SCYL2: variants seen among roughly 807,000 people sequenced by gnomAD.
SCYL2 encodes the protein SCY1 like pseudokinase 2.
Under a neutral mutation model 100.4 loss-of-function variants are expected in SCYL2, and 36 were observed. The ratio of observed to expected loss-of-function variants is 0.36; its 90% CI spans 0.27 to 0.47. SCYL2 has a LOEUF of 0.47. Ranked by LOEUF, SCYL2 falls within the 20% of genes least tolerant of loss-of-function variation. SCYL2 has a pLI of 1.00. For missense variants in SCYL2, 902 were observed against 1,083.9 expected (o/e 0.83, Z 2.36); for synonymous variants, 330 against 359.2 (o/e 0.92, Z 0.92).
At chr12:100,312,720 A>T in intron 6 of SCYL2, 67 bp downstream of exon 6, 1 of 1,140,362 alleles carries the variant, frequency 8.8e-7, no homozygotes, top group Admixed American at 2.2e-5. Context: ...TTTTTTTCCA[A>T]AATGTGTTCA....
At chr12:100,275,589 C>A (rs952071483) in intron 1 of SCYL2, among the ~76,000 whole-genome samples, 11 of 152,114 alleles carry the variant, frequency 7.2e-5, no homozygotes, top group Non-Finnish European at 1.5e-4. Flanking sequence ...TAGATTGATT[C>A]CTTCTGATGT....
intron 1 of SCYL2, among the ~76,000 whole-genome samples, chr12:100,268,096 A>G (rs2096281610): frequency 6.6e-6 from 1 of 152,178 alleles, no homozygotes; most frequent in Non-Finnish European, 1.5e-5. Context: ...ATATTATCAA[A>G]TCCACCCTCT....
At chr12:100,330,830 CTTT>C (rs71088179) in intron 13 of SCYL2, among the ~76,000 whole-genome samples, 4 of 134,088 alleles carry the variant, frequency 3.0e-5, no homozygotes, top group Admixed American at 1.5e-4. Context: ...AATTTTTTTT[CTTT>C]TTTTTTTTTT....
At chr12:100,271,260 C>CAAAAAAAAAAA (rs11354103) in intron 1 of SCYL2, among the ~76,000 whole-genome samples, 23 of 83,336 alleles carry the variant, frequency 2.8e-4, no homozygotes, top group African/African-American at 1.2e-3. Flanking sequence ...TGCAGAGCAG[C>CAAAAAAAAAAA]AAAAAAAAAA....
intron 3 of SCYL2, among the ~76,000 whole-genome samples, chr12:100,292,274 A>G (rs969136834): frequency 6.6e-6 from 1 of 152,122 alleles, no homozygotes; most frequent in Non-Finnish European, 1.5e-5. Context: ...TTATAACCCA[A>G]ATTTATGCTT....
At chr12:100,295,673 T>G (rs1449208605) in intron 3 of SCYL2, among the ~76,000 whole-genome samples, 1 of 151,170 alleles carries the variant, frequency 6.6e-6, no homozygotes, top group Non-Finnish European at 1.5e-5. Flanking sequence ...CGGCTGGGCA[T>G]GAGAGGGAGA....
chr12:100,278,720 C>T (rs1195160849), intron 1 of SCYL2, among the ~76,000 whole-genome samples: 1 of 151,248 alleles, frequency 6.6e-6, no homozygotes, highest in East Asian at 2.0e-4. Context: ...ACCTTCACCT[C>T]CCGGGTTCAA....
intron 4 of SCYL2, among the ~76,000 whole-genome samples, chr12:100,309,237 C>T (rs60955601): frequency 6.6e-6 from 1 of 152,042 alleles, no homozygotes; most frequent in African/African-American, 2.4e-5. Context: ...CCTCTTCCAT[C>T]TTAACCATTT....
intron 5 of SCYL2, among the ~76,000 whole-genome samples, chr12:100,311,611 A>G (rs934552046): frequency 6.6e-6 from 1 of 152,172 alleles, no homozygotes; most frequent in South Asian, 2.1e-4. Context: ...AATCCTCACA[A>G]TAACTCAGTG....
At chr12:100,298,891 A>G (rs2096324185) in intron 4 of SCYL2, among the ~76,000 whole-genome samples, 1 of 152,018 alleles carries the variant, frequency 6.6e-6, no homozygotes, top group African/African-American at 2.4e-5. Flanking sequence ...TAGCCTTTTC[A>G]TATATGCTCA....
At chr12:100,311,542 T>A (rs1207673721) in intron 5 of SCYL2, among the ~76,000 whole-genome samples, 1 of 152,170 alleles carries the variant, frequency 6.6e-6, no homozygotes, top group African/African-American at 2.4e-5. Flanking sequence ...ATAATAGCAG[T>A]GGCAATAGCT....
intron 4 of SCYL2, among the ~76,000 whole-genome samples, chr12:100,305,903 A>C (rs1035525732): frequency 6.6e-6 from 1 of 152,078 alleles, no homozygotes; most frequent in Non-Finnish European, 1.5e-5. Context: ...CTCGAAAATC[A>C]AGAAGAAATG....
chr12:100,269,487 A>G (rs906004206), intron 1 of SCYL2, among the ~76,000 whole-genome samples: 1 of 150,370 alleles, frequency 6.7e-6, no homozygotes, highest in Non-Finnish European at 1.5e-5. Context: ...TCATCTCCTG[A>G]TGTGTAAGTG....
At chr12:100,269,833 C>A (rs987823879) in intron 1 of SCYL2, among the ~76,000 whole-genome samples, 2 of 152,028 alleles carry the variant, frequency 1.3e-5, no homozygotes, top group Non-Finnish European at 2.9e-5. Context: ...TTATAGGTTC[C>A]GATTCCAAAG....
At chr12:100,274,643 C>A (rs1411379770) in intron 1 of SCYL2, among the ~76,000 whole-genome samples, 1 of 152,092 alleles carries the variant, frequency 6.6e-6, no homozygotes, top group Admixed American at 6.5e-5. Flanking sequence ...TTTTTTTACA[C>A]CTAGGAAAAT....
At chr12:100,301,432 T>C (rs2135876417) in intron 4 of SCYL2, among the ~76,000 whole-genome samples, 1 of 152,362 alleles carries the variant, frequency 6.6e-6, no homozygotes, top group Non-Finnish European at 1.5e-5. Flanking sequence ...GCAAACATTT[T>C]CTCCCACTCT....
chr12:100,336,001 T>G (rs1952272488), intron 16 of SCYL2, 95 bp downstream of exon 16: 1 of 850,182 alleles, frequency 1.2e-6, no homozygotes, highest in South Asian at 1.6e-5. Context: ...GTTCAGCAGC[T>G]TAACAAGAAA....
chr12:100,281,965 A>ATT (rs2096299056), intron 1 of SCYL2, among the ~76,000 whole-genome samples: 1 of 152,166 alleles, frequency 6.6e-6, no homozygotes, highest in Non-Finnish European at 1.5e-5. Flanking sequence ...GAAAAAGAAA[A>ATT]AATAAGAATA....
chr12:100,269,158 A>G (rs570283663), intron 1 of SCYL2, among the ~76,000 whole-genome samples: 1 of 152,278 alleles, frequency 6.6e-6, no homozygotes, highest in Non-Finnish European at 1.5e-5. Flanking sequence ...AATCGAACAC[A>G]TTAACATGCC....
Sources: gnomAD v4.1 joint callset for allele counts (sites outside exome capture counted in the v4.1 genomes callset) on GRCh38, gnomAD v4.1.1 for gene constraint, MANE v1.5 for transcripts, NCBI Gene and HGNC (gene_info 2026-07-23, HGNC 2026-07-21) for gene names.